PTPRD: variants seen among roughly 807,000 people sequenced by gnomAD.
PTPRD encodes protein tyrosine phosphatase receptor type D.
PTPRD carries 34 observed loss-of-function variants against 214.5 expected under a neutral mutation model. The observed-to-expected ratio is 0.16, with a 90% CI of 0.12 to 0.21. The LOEUF is 0.21. Ranked by LOEUF, PTPRD falls within the 10% of genes least tolerant of loss-of-function variation. PTPRD has a pLI of 1.00. For missense variants in PTPRD, 2,545 were observed against 2,398.7 expected (o/e 1.06, Z -1.27); for synonymous variants, 1,128 against 845.7 (o/e 1.33, Z -5.79).
At chr9:9,247,010 T>C (rs1244553988) in intron 9 of PTPRD, among the ~76,000 whole-genome samples, 1 of 150,494 alleles carries the variant, frequency 6.6e-6, no homozygotes, top group African/African-American at 2.5e-5. Flanking sequence ...GAGTGACTCA[T>C]AGAAATCAGA....
At chr9:8,507,632 T>C (rs2097568672) in intron 21 of PTPRD, among the ~76,000 whole-genome samples, 198 bp from the exon 22 acceptor site, 1 of 151,142 alleles carries the variant, frequency 6.6e-6, no homozygotes, top group Non-Finnish European at 1.5e-5. Context: ...TGCTCTGGAG[T>C]AGTAGAACAT....
chr9:9,999,643 C>T (rs1346742913), intron 4 of PTPRD, among the ~76,000 whole-genome samples: 2 of 152,188 alleles, frequency 1.3e-5, no homozygotes, highest in African/African-American at 4.8e-5. Flanking sequence ...GAACTATACA[C>T]TATGACACCC....
intron 8 of PTPRD, among the ~76,000 whole-genome samples, chr9:9,454,723 A>G (rs548092930): frequency 6.6e-6 from 1 of 151,848 alleles, no homozygotes; most frequent in African/African-American, 2.4e-5. Flanking sequence ...TGCATTACAC[A>G]TACTGTAAAA....
At chr9:10,186,122 A>G (rs2099329185) in intron 3 of PTPRD, among the ~76,000 whole-genome samples, 1 of 152,030 alleles carries the variant, frequency 6.6e-6, no homozygotes, top group Non-Finnish European at 1.5e-5. Context: ...ATGAAAGTAG[A>G]GGACTCATCC....
intron 10 of PTPRD, among the ~76,000 whole-genome samples, chr9:9,117,868 G>A (rs545906960): frequency 2.0e-4 from 30 of 151,800 alleles, no homozygotes; most frequent in Non-Finnish European, 3.2e-4. Flanking sequence ...TATGGTAGAG[G>A]CAAAGAAAAT....
intron 5 of PTPRD, among the ~76,000 whole-genome samples, chr9:9,907,316 C>G (rs993266931): frequency 7.9e-5 from 12 of 151,874 alleles, no homozygotes; most frequent in African/African-American, 2.7e-4. Flanking sequence ...TTATATTAGT[C>G]TGCTAGGGCC....
intron 8 of PTPRD, among the ~76,000 whole-genome samples, chr9:9,564,141 G>A (rs2083690046): frequency 6.6e-6 from 1 of 152,056 alleles, no homozygotes; most frequent in South Asian, 2.1e-4. Flanking sequence ...AGCCAAAGAG[G>A]CTATTAGAAA....
chr9:9,749,981 C>G (rs2098500531), intron 6 of PTPRD, among the ~76,000 whole-genome samples: 1 of 152,172 alleles, frequency 6.6e-6, no homozygotes, highest in African/African-American at 2.4e-5. Context: ...TGTGGAACTA[C>G]TTGCACAGCC....
chr9:9,846,177 T>C (rs543608838), intron 5 of PTPRD, among the ~76,000 whole-genome samples: 1 of 152,264 alleles, frequency 6.6e-6, no homozygotes, highest in African/African-American at 2.4e-5. Context: ...TTTCTCCATT[T>C]AACATTGTAT....
At chr9:9,607,908 TC>T (rs2094277698) in intron 7 of PTPRD, among the ~76,000 whole-genome samples, 1 of 152,048 alleles carries the variant, frequency 6.6e-6, no homozygotes, top group South Asian at 2.1e-4. Context: ...TGAGCTGTCC[TC>T]AGTCAAATAC....
At chr9:9,794,727 G>A (rs988570153) in intron 5 of PTPRD, among the ~76,000 whole-genome samples, 4 of 152,136 alleles carry the variant, frequency 2.6e-5, no homozygotes, top group South Asian at 2.1e-4. Context: ...ATGGCTTAGA[G>A]AAGATAAATA....
intron 11 of PTPRD, among the ~76,000 whole-genome samples, chr9:8,948,884 G>C (rs1476081676): frequency 1.3e-5 from 2 of 151,692 alleles, no homozygotes; most frequent in African/African-American, 4.8e-5. Context: ...CTAGACAAGT[G>C]TTCCCAGTTA....
At chr9:9,232,514 A>G (rs1464768029) in intron 9 of PTPRD, among the ~76,000 whole-genome samples, 1 of 152,214 alleles carries the variant, frequency 6.6e-6, no homozygotes, top group Non-Finnish European at 1.5e-5. Context: ...AGATCATTGC[A>G]TGGTAAAATA....
chr9:8,544,166 T>TC (rs948887262), intron 14 of PTPRD, among the ~76,000 whole-genome samples: 45 of 102,800 alleles, frequency 4.4e-4, no homozygotes, highest in Non-Finnish European at 7.1e-4. Context: ...TGCCATTACT[T>TC]TTTTTTTTTT....
At chr9:8,879,399 A>G (rs577049120) in intron 11 of PTPRD, among the ~76,000 whole-genome samples, 12 of 152,220 alleles carry the variant, frequency 7.9e-5, no homozygotes, top group African/African-American at 2.6e-4. Flanking sequence ...TCATTCATTC[A>G]TACTTTTCTC....
At chr9:8,786,448 C>T (rs1234845409) in intron 11 of PTPRD, among the ~76,000 whole-genome samples, 5 of 125,924 alleles carry the variant, frequency 4.0e-5, no homozygotes, top group Non-Finnish European at 7.8e-5. Context: ...CTCGCTCTGT[C>T]GCCCAGCTTG....
chr9:8,768,221 C>G (rs1661864368), intron 11 of PTPRD, among the ~76,000 whole-genome samples: 1 of 151,890 alleles, frequency 6.6e-6, no homozygotes, highest in Admixed American at 6.6e-5. Flanking sequence ...ATAGTGAGAC[C>G]CCCATCTTGA....
At chr9:9,452,154 A>C (rs2092321101) in intron 8 of PTPRD, among the ~76,000 whole-genome samples, 1 of 151,480 alleles carries the variant, frequency 6.6e-6, no homozygotes, top group African/African-American at 2.4e-5. Context: ...GAGATATCAC[A>C]AGTAACAAAA....
intron 9 of PTPRD, among the ~76,000 whole-genome samples, chr9:9,234,182 C>T (rs1250074692): frequency 1.3e-5 from 2 of 152,220 alleles, no homozygotes; most frequent in Non-Finnish European, 2.9e-5. Context: ...CTATTCTTAA[C>T]TTCTGTGCAC....
Sources: gnomAD v4.1 joint callset for allele counts (sites outside exome capture counted in the v4.1 genomes callset) on GRCh38, gnomAD v4.1.1 for gene constraint, MANE v1.5 for transcripts, NCBI Gene and HGNC (gene_info 2026-07-23, HGNC 2026-07-21) for gene names.